The following KLF12 variants were observed in gnomAD, a reference collection of about 807,000 sequenced individuals.
KLF12 encodes the protein Krueppel-like factor 12.
KLF12 carries 9 observed loss-of-function variants against 37.8 expected under a neutral mutation model. That is an observed-to-expected ratio of 0.24 (90% CI 0.14 to 0.42). The LOEUF is 0.42. Among genes scored for constraint, KLF12 ranks in the 10% least tolerant of loss-of-function variants. The pLI, the probability that KLF12 is intolerant of heterozygous loss-of-function variation, is 1.00. For missense variants in KLF12, 411 were observed against 516.0 expected, an observed-to-expected ratio of 0.80 and a Z score of 1.97; for synonymous variants, 208 against 202.1, an observed-to-expected ratio of 1.03 and a Z score of -0.25.
At chr13:74,168,419 C>T in the KLF12 span, among the ~76,000 whole-genome samples, 7 of 152,306 alleles carry the variant, frequency 4.6e-5, no homozygotes, top group South Asian at 2.1e-4. Context: ...TGTTTACTTG[C>T]GTGTGCCTAA....
intron 1 of KLF12, among the ~76,000 whole-genome samples, chr13:74,014,556 G>A (rs1892640242): frequency 6.6e-6 from 1 of 152,150 alleles, no homozygotes; most frequent in South Asian, 2.1e-4. Context: ...TGGCTGGAGA[G>A]ATATGGAATG....
At chr13:73,936,359 A>G (rs757984480) in intron 3 of KLF12, among the ~76,000 whole-genome samples, 5 of 152,046 alleles carry the variant, frequency 3.3e-5, no homozygotes, top group Admixed American at 6.5e-5. Context: ...CTAAGCTGTG[A>G]CCCTTCCAAG....
At chr13:74,277,594 C>G in the KLF12 span, among the ~76,000 whole-genome samples, 2 of 152,160 alleles carry the variant, frequency 1.3e-5, no homozygotes, top group Non-Finnish European at 1.5e-5. Flanking sequence ...TGGAAATAAA[C>G]ATGGCTCAGG....
At chr13:73,926,198 T>C (rs61957347) in intron 3 of KLF12, among the ~76,000 whole-genome samples, 1 of 152,202 alleles carries the variant, frequency 6.6e-6, no homozygotes, top group Non-Finnish European at 1.5e-5. Context: ...CAGAGAAATC[T>C]TTTATGAAAG....
chr13:74,245,127 C>T, the KLF12 span, among the ~76,000 whole-genome samples: 1 of 152,056 alleles, frequency 6.6e-6, no homozygotes, highest in Non-Finnish European at 1.5e-5. Context: ...ATTTCCAGTT[C>T]TTTGTTTTGG....
the KLF12 span, among the ~76,000 whole-genome samples, chr13:74,271,229 A>G: frequency 2.2e-4 from 34 of 152,322 alleles, no homozygotes; most frequent in Admixed American, 1.8e-3. Context: ...ATTGTCTTCC[A>G]CAAAACCAGT....
intron 7 of KLF12, among the ~76,000 whole-genome samples, chr13:73,708,169 A>G (rs1471445636): frequency 1.3e-5 from 2 of 152,194 alleles, no homozygotes; most frequent in African/African-American, 4.8e-5. Context: ...TCCTTAATGT[A>G]CAAAATTCAG....
chr13:74,189,586 T>C, the KLF12 span, among the ~76,000 whole-genome samples: 1 of 152,228 alleles, frequency 6.6e-6, no homozygotes, highest in African/African-American at 2.4e-5. Context: ...TATAGTCACA[T>C]GGTTCAAAAT....
chr13:74,260,423 G>A, the KLF12 span, among the ~76,000 whole-genome samples: 73 of 151,996 alleles, frequency 4.8e-4, 1 homozygote, highest in African/African-American at 1.6e-3. Context: ...GGGTGTGGTG[G>A]TGCACCTGTA....
chr13:74,267,629 T>A, the KLF12 span, among the ~76,000 whole-genome samples: 2 of 152,046 alleles, frequency 1.3e-5, no homozygotes, highest in Non-Finnish European at 2.9e-5. Flanking sequence ...GGGTACAAAA[T>A]TATGGTTATA....
the KLF12 span, among the ~76,000 whole-genome samples, chr13:74,281,974 C>A: frequency 2.6e-5 from 4 of 152,170 alleles, no homozygotes; most frequent in Non-Finnish European, 5.9e-5. Context: ...TCCTCAGGAG[C>A]ACCTTCAGAA....
At chr13:74,235,680 C>T in the KLF12 span, among the ~76,000 whole-genome samples, 2 of 152,058 alleles carry the variant, frequency 1.3e-5, no homozygotes, top group Non-Finnish European at 2.9e-5. Flanking sequence ...AAAAGCTATA[C>T]TTTCATGAGG....
intron 3 of KLF12, among the ~76,000 whole-genome samples, chr13:73,909,290 T>A (rs181219281): frequency 1.4e-4 from 21 of 152,316 alleles, no homozygotes; most frequent in African/African-American, 5.1e-4. Flanking sequence ...GAGGACCTCA[T>A]TTTTCAAACA....
intron 4 of KLF12, among the ~76,000 whole-genome samples, chr13:73,823,603 T>C (rs963662962): frequency 3.3e-5 from 5 of 152,212 alleles, no homozygotes; most frequent in Non-Finnish European, 5.9e-5. Flanking sequence ...CTTGAAGATA[T>C]GGTCTAAGAC....
At chr13:74,159,999 C>T in the KLF12 span, among the ~76,000 whole-genome samples, 2 of 27,000 alleles carry the variant, frequency 7.4e-5, no homozygotes, top group East Asian at 2.2e-3. Flanking sequence ...GAGACCTTGT[C>T]TCAAAAAAAA....
chr13:74,199,227 A>C, the KLF12 span, among the ~76,000 whole-genome samples: 2 of 152,302 alleles, frequency 1.3e-5, no homozygotes, highest in Middle Eastern at 3.4e-3. Context: ...AAAATTCCTG[A>C]CATATCCGAA....
Position 73,754,229 on chromosome 13 carries a change from T to TA in KLF12, c.869+10708dup, listed in dbSNP as rs536769038. ...CTTGCTACCCAGGCTTCTTTCCATTTAAAAAAATGCTCTGACAATTTTTTA... is the reference window on the plus strand; with the variant it reads ...CTTGCTACCCAGGCTTCTTTCCATTTAAAAAAAATGCTCTGACAATTTTTTA... On this transcript the variant is annotated intron_variant, in intron 6 of 7. Coordinates refer to ENST00000377669, the MANE Select transcript of KLF12 (RefSeq NM_007249.5). Among the ~76,000 whole-genome samples the TA allele has an allele frequency of 6.0e-4, 91 of 152,270 alleles. No individual in the cohort carries two copies. In the South Asian group the frequency reaches 0.018, roughly 31 times the overall value.
At chr13:74,034,955 T>C (rs1420357688) in intron 1 of KLF12, among the ~76,000 whole-genome samples, 2 of 152,242 alleles carry the variant, frequency 1.3e-5, no homozygotes, top group Non-Finnish European at 1.5e-5. Context: ...TTTTATCCCA[T>C]AGCTTACCTC....
At chr13:73,904,468 C>A (rs9543480) in intron 3 of KLF12, among the ~76,000 whole-genome samples, 1 of 51,268 alleles carries the variant, frequency 2.0e-5, no homozygotes, top group South Asian at 5.5e-4. Flanking sequence ...TTCTTTCTTT[C>A]CTTTTTTTTT....
Sources: gnomAD v4.1 joint callset for allele counts (sites outside exome capture counted in the v4.1 genomes callset) on GRCh38, gnomAD v4.1.1 for gene constraint, MANE v1.5 for transcripts, NCBI Gene and HGNC (gene_info 2026-07-23, HGNC 2026-07-21) for gene names.